The following LHPP variants were observed in gnomAD, a reference collection of about 807,000 sequenced individuals.
LHPP encodes the protein phospholysine phosphohistidine inorganic pyrophosphate phosphatase.
In LHPP, 24 loss-of-function variants were observed where a neutral mutation model predicts 30.3. The ratio of observed to expected loss-of-function variants is 0.79; its 90% confidence interval spans 0.57 to 1.11. The LOEUF (loss-of-function observed/expected upper bound fraction) is 1.11, where lower values mean the gene tolerates loss of function less well. Ranked by LOEUF, LHPP falls within the 50% of genes most tolerant of loss-of-function variation. The pLI is 0.00. For missense variants in LHPP, 356 were observed against 367.2 expected, an observed-to-expected ratio of 0.97 and a Z score of 0.25; for synonymous variants, 150 against 157.1, an observed-to-expected ratio of 0.95 and a Z score of 0.34.
At chr10:124,573,337 G>T (rs1589875920) in intron 6 of LHPP, among the ~76,000 whole-genome samples, 2 of 152,156 alleles carry the variant, frequency 1.3e-5, no homozygotes, top group South Asian at 2.1e-4. Flanking sequence ...TTTTCTTTTT[G>T]AGATGGGGTC....
At chr10:124,522,230 C>G (rs995627686) in intron 6 of LHPP, among the ~76,000 whole-genome samples, 1 of 152,192 alleles carries the variant, frequency 6.6e-6, no homozygotes, top group Admixed American at 6.5e-5. Flanking sequence ...CCTGCCCAGC[C>G]AGGGGGCGGC....
At chr10:124,483,745 G>A (rs911020529) in intron 1 of LHPP, among the ~76,000 whole-genome samples, 17 of 151,600 alleles carry the variant, frequency 1.1e-4, no homozygotes, top group East Asian at 1.9e-4. Context: ...CGACAAGAGC[G>A]AGACTCCATC....
rs535654563 is a variant in LHPP at position 124,547,750 on chromosome 10, G to A, written c.716+30479G>A. Reference sequence around the variant, plus strand: ...CCCAGCCCTGACCAGCGGGGCCATCGGGCGTCCTGGGCCCTGGCAGGATGT... The same window carrying A: ...CCCAGCCCTGACCAGCGGGGCCATCAGGCGTCCTGGGCCCTGGCAGGATGT... On this transcript the variant is annotated intron_variant, in intron 6 of 6. Transcript: ENST00000368842. 1.1e-4 allele frequency among the ~76,000 whole-genome samples: 17 copies of A among 149,276 alleles called. 1 individual carries two copies. Among genetic ancestry groups the A allele is most frequent in the South Asian group, 4.2e-4 (2 of 4,724 alleles).
In LHPP at chr10:124,568,912, G is replaced by A. The variant is rs538249192; in HGVS notation, c.717-44352G>A. 5.4e-4 allele frequency among the ~76,000 whole-genome samples: 82 copies of A among 151,924 alleles called. 2 individuals are homozygous for A. Among genetic ancestry groups the A allele is most frequent in the Admixed American group, 4.5e-3 (69 of 15,216 alleles). ...CTTGGAGGCCCCCCTAGGTTTGTCT[G>A]TAATGAGCTTGTGCTGGCGACTGGC... On this transcript the variant is annotated intron_variant, in intron 6 of 6. Coordinates refer to ENST00000368842, the MANE Select transcript of LHPP (RefSeq NM_022126.4).
intron 5 of LHPP, among the ~76,000 whole-genome samples, chr10:124,508,635 A>G (rs1425811531): frequency 1.3e-5 from 2 of 151,628 alleles, no homozygotes; most frequent in African/African-American, 4.8e-5. Context: ...TCAAAACACA[A>G]GTATTTAAAA....
At chr10:124,551,906 A>G (rs1054453460) in intron 6 of LHPP, among the ~76,000 whole-genome samples, 1 of 151,930 alleles carries the variant, frequency 6.6e-6, no homozygotes, top group Non-Finnish European at 1.5e-5. Flanking sequence ...GCAGCTTCCT[A>G]CAGTGCTTTT....
At chr10:124,543,680 G>A (rs774395513) in intron 6 of LHPP, among the ~76,000 whole-genome samples, 33 of 152,182 alleles carry the variant, frequency 2.2e-4, no homozygotes, top group Non-Finnish European at 4.6e-4. Context: ...GCACAGCAGC[G>A]CACAGAAAAG....
At chr10:124,524,112 A>G (rs939538045) in intron 6 of LHPP, among the ~76,000 whole-genome samples, 2 of 152,102 alleles carry the variant, frequency 1.3e-5, no homozygotes, top group Non-Finnish European at 2.9e-5. Flanking sequence ...GTTTTCATAC[A>G]TTCACAGAGC....
chr10:124,501,040 A>G (rs11245239), intron 5 of LHPP, among the ~76,000 whole-genome samples: 2,764 of 152,114 alleles, frequency 0.018, 92 homozygotes, highest in East Asian at 0.11. Context: ...CAAATGTGGT[A>G]TGTCCATACA....
chr10:124,522,726 C>CA (rs1954638978), intron 6 of LHPP, among the ~76,000 whole-genome samples: 1 of 127,636 alleles, frequency 7.8e-6, no homozygotes, highest in Non-Finnish European at 1.7e-5. Flanking sequence ...TGCCCACGCC[C>CA]CCCCCCAAGC....
At chr10:124,500,728 TA>T (rs57518134) in intron 5 of LHPP, among the ~76,000 whole-genome samples, 19,157 of 147,444 alleles carry the variant, frequency 0.13, 1,985 homozygotes, top group African/African-American at 0.27. Context: ...ACTGTATAGT[TA>T]AAAAAAAAAA....
intron 5 of LHPP, among the ~76,000 whole-genome samples, chr10:124,509,035 C>A (rs1260017895): frequency 6.6e-6 from 1 of 152,166 alleles, no homozygotes; most frequent in Non-Finnish European, 1.5e-5. Flanking sequence ...TCCCACCCTC[C>A]ACCCTCAGGT....
intron 3 of LHPP, among the ~76,000 whole-genome samples, chr10:124,494,292 C>T (rs1385855446): frequency 6.6e-6 from 1 of 152,186 alleles, no homozygotes; most frequent in Non-Finnish European, 1.5e-5. Context: ...GTCCACCCAA[C>T]CTCTAGCTCC....
chr10:124,525,053 A>AC (rs1340377979), intron 6 of LHPP, among the ~76,000 whole-genome samples: 1 of 152,240 alleles, frequency 6.6e-6, no homozygotes, highest in Non-Finnish European at 1.5e-5. Context: ...TGCCGTGGGC[A>AC]CAGTGGCCGC....
intron 6 of LHPP, among the ~76,000 whole-genome samples, chr10:124,579,359 A>G (rs184752507): frequency 2.5e-4 from 38 of 152,352 alleles, no homozygotes; most frequent in African/African-American, 9.1e-4. Flanking sequence ...CGGCGCCAAC[A>G]GGGGAAAACT....
chr10:124,490,579 CTCTGCAGCTGTAGGG>C (rs1342989624), intron 3 of LHPP: 1 of 296,876 alleles, frequency 3.4e-6, no homozygotes, highest in African/African-American at 2.2e-5. Flanking sequence ...GCATCAACAT[CTCTGCAGCTGTAGGG>C]TCCAGGTCCG....
intron 6 of LHPP, among the ~76,000 whole-genome samples, chr10:124,588,335 A>G (rs577722963): frequency 9.4e-5 from 14 of 149,466 alleles, no homozygotes; most frequent in African/African-American, 3.6e-4. Context: ...TCTGTTGCCC[A>G]GGCTGGAGTG....
At chr10:124,537,949 A>G (rs1178570755) in intron 6 of LHPP, among the ~76,000 whole-genome samples, 2 of 152,070 alleles carry the variant, frequency 1.3e-5, no homozygotes, top group Non-Finnish European at 2.9e-5. Context: ...TGGACAGGAG[A>G]CCTTCTTGGG....
At chr10:124,500,661 C>T (rs1020979527) in intron 5 of LHPP, among the ~76,000 whole-genome samples, 7 of 151,682 alleles carry the variant, frequency 4.6e-5, no homozygotes, top group Non-Finnish European at 7.3e-5. Context: ...TCAATATCAT[C>T]ATTCATCAGG....
Sources: allele counts gnomAD v4.1 joint callset (sites outside exome capture counted in the v4.1 genomes callset), GRCh38; gene constraint gnomAD v4.1.1; transcripts MANE v1.5; gene names NCBI Gene and HGNC (gene_info 2026-07-23, HGNC 2026-07-21).